The following NDP variants were observed in gnomAD, a reference collection of about 807,000 sequenced individuals.
NDP encodes the protein norrin.
In NDP, 2 loss-of-function variants were observed where a neutral mutation model predicts 8.4. The observed-to-expected ratio is 0.24, with a 90% CI of 0.10 to 0.75. The LOEUF is 0.75. Among genes scored for constraint, NDP ranks in the 30% least tolerant of loss-of-function variants. NDP has a pLI of 0.73. For synonymous variants in NDP, 55 were observed against 45.6 expected, an observed-to-expected ratio of 1.21 and a Z score of -0.83; for missense variants, 81 against 110.1, an observed-to-expected ratio of 0.74 and a Z score of 1.18.
At chrX:43,964,045 C>T (rs1303803099) in intron 1 of NDP, among the ~76,000 whole-genome samples, 1 of 111,725 alleles carries the variant, frequency 9.0e-6, no homozygotes, top group East Asian at 2.8e-4. Context: ...CAGAGATAGG[C>T]ACATTTCATG....
chrX:43,957,105 C>T (rs899942196), intron 2 of NDP, among the ~76,000 whole-genome samples: 3 of 111,495 alleles, frequency 2.7e-5, no homozygotes, highest in Non-Finnish European at 5.7e-5. Flanking sequence ...CAACTCAATA[C>T]GGAAAGAAAT....
chrX:43,973,120 G>C (rs1428137404), intron 1 of NDP, among the ~76,000 whole-genome samples, 184 bp downstream of exon 1: 1 of 112,839 alleles, frequency 8.9e-6, no homozygotes, highest in Non-Finnish European at 1.9e-5. Flanking sequence ...CTCTGTCACA[G>C]ACTTCAAAGA....
chrX:43,951,325 G>A (rs1318586286), intron 2 of NDP, among the ~76,000 whole-genome samples: 1 of 110,514 alleles, frequency 9.0e-6, no homozygotes. Flanking sequence ...TGAGGCAGGA[G>A]GATCACTTGA....
chrX:43,957,182 T>G (rs2035798762), intron 2 of NDP, among the ~76,000 whole-genome samples: 1 of 111,972 alleles, frequency 8.9e-6, no homozygotes, highest in African/African-American at 3.2e-5. Flanking sequence ...AAGGAGAAAC[T>G]AATAATTGCT....
Position 43,958,778 on chromosome X carries a change from C to G in NDP, c.-133G>C. Reference sequence around the variant, plus strand: ...GATCGGGCTGAAGCTTTCTGGTTGTCATTGTCCTTTATGTGCTGGAGTTTT... The same window carrying G: ...GATCGGGCTGAAGCTTTCTGGTTGTGATTGTCCTTTATGTGCTGGAGTTTT... On this transcript the variant is annotated 5_prime_UTR_variant, in exon 2 of 3. The change abolishes an upstream ATG in the 5' untranslated region. Coordinates refer to ENST00000642620, the MANE Select transcript of NDP (RefSeq NM_000266.4). The G allele has an allele frequency of 3.5e-6, 2 of 566,197 alleles. No individual in the cohort carries two copies. Among genetic ancestry groups the G allele is most frequent in the East Asian group, 7.2e-5 (2 of 27,903 alleles). 46.7% of individuals were successfully genotyped at this position (566,197 alleles called of 1,213,427 possible). A position where few individuals can be genotyped will look rare whatever the true frequency, so the allele number is the denominator to read the frequency against.
At chrX:43,968,260 C>T (rs1390185566) in intron 1 of NDP, among the ~76,000 whole-genome samples, 3 of 112,091 alleles carry the variant, frequency 2.7e-5, no homozygotes, top group African/African-American at 9.7e-5. Context: ...GACCATCAGG[C>T]TCTGAGAACC....
At chrX:43,971,723 A>G (rs1006914631) in intron 1 of NDP, among the ~76,000 whole-genome samples, 18 of 112,152 alleles carry the variant, frequency 1.6e-4, no homozygotes, top group African/African-American at 5.8e-4. Flanking sequence ...TTTTACAGCA[A>G]TGGAATCCAT....
intron 1 of NDP, among the ~76,000 whole-genome samples, chrX:43,967,687 C>A (rs948645851): frequency 1.8e-5 from 2 of 111,687 alleles, no homozygotes; most frequent in African/African-American, 6.5e-5. Flanking sequence ...TGCTCTCTCC[C>A]TATTTTTATT....
chrX:43,967,197 T>A (rs781573723), intron 1 of NDP, among the ~76,000 whole-genome samples: 1 of 111,431 alleles, frequency 9.0e-6, no homozygotes, highest in Non-Finnish European at 1.9e-5. Flanking sequence ...GTAACAATAC[T>A]ATTCTGCTGC....
chrX:43,961,816 C>G (rs1283662104), intron 1 of NDP, among the ~76,000 whole-genome samples: 1 of 111,234 alleles, frequency 9.0e-6, no homozygotes, highest in Non-Finnish European at 1.9e-5. Context: ...GCATGCTAGT[C>G]TCTTAGTCAA....
At chrX:43,964,530 G>C (rs2035846207) in intron 1 of NDP, among the ~76,000 whole-genome samples, 1 of 110,576 alleles carries the variant, frequency 9.0e-6, no homozygotes, top group African/African-American at 3.3e-5. Context: ...TTCAGGCATT[G>C]TCAGGAACTC....
At chrX:43,964,205 C>T (rs7066167) in intron 1 of NDP, among the ~76,000 whole-genome samples, 3,848 of 111,423 alleles carry the variant, frequency 0.035, 169 homozygotes, top group African/African-American at 0.12. Flanking sequence ...GTTCTCCCAA[C>T]CTGCACTACT....
At chrX:43,961,192 G>A (rs771579913) in intron 1 of NDP, among the ~76,000 whole-genome samples, 40 of 112,674 alleles carry the variant, frequency 3.6e-4, no homozygotes, top group African/African-American at 1.2e-3. Flanking sequence ...AAGGCTGTGG[G>A]AAAACAAGTC....
chrX:43,950,134 T>G, intron 2 of NDP, 108 bp from the exon 3 acceptor site: 1 of 674,923 alleles, frequency 1.5e-6, no homozygotes. Flanking sequence ...TCCTGCTAGA[T>G]TAGACCAGTG....
In NDP at chrX:43,949,513, T is replaced by C. The variant is rs1402963770; in HGVS notation, c.*286A>G. On this transcript the variant is annotated 3_prime_UTR_variant, in exon 3 of 3. Coordinates refer to ENST00000642620, the MANE Select transcript of NDP (RefSeq NM_000266.4). ...CCCACTTTTTCCCACTAATGCTGAA[T>C]TGTTGGAAACCCAAACAGCATTGAG... 4 of 357,655 alleles carry C rather than the reference T, an allele frequency of 1.1e-5. No individual in the cohort carries two copies. The highest frequency in any genetic ancestry group is 4.0e-5 in the South Asian group (1 of 24,900). The allele number at this position is 357,655 out of a possible 1,213,427, so 29.5% of individuals were successfully genotyped here. A position where few individuals can be genotyped will look rare whatever the true frequency, so the allele number is the denominator to read the frequency against.
chrX:43,958,803 T>C lies in NDP; in HGVS notation c.-158A>G. On this transcript the variant is annotated 5_prime_UTR_variant, in exon 2 of 3. Coordinates refer to ENST00000642620, the MANE Select transcript of NDP (RefSeq NM_000266.4). The stretch of plus-strand genomic sequence containing the variant: ...CATTGTCCTTTATGTGCTGGAGTTT[T>C]GTCTTACTCTTTGCACTTGCAATCC... 1 of 500,126 alleles carries C rather than the reference T, an allele frequency of 2.0e-6. No individual in the cohort carries two copies. The highest frequency in any genetic ancestry group is 2.8e-5 in the South Asian group (1 of 35,603). The allele number at this position is 500,126 out of a possible 1,213,427, so 41.2% of individuals were successfully genotyped here.
At chrX:43,957,786 C>A (rs1311208786) in intron 2 of NDP, among the ~76,000 whole-genome samples, 3 of 101,059 alleles carry the variant, frequency 3.0e-5, no homozygotes, top group Non-Finnish European at 4.0e-5. Context: ...CAGTGACAGT[C>A]GTGAGATCTC....
In NDP at chrX:43,973,288, T is replaced by C. The variant is rs1421548613; in HGVS notation, c.-208+16A>G. 1 of 111,818 alleles carries C rather than the reference T, an allele frequency of 8.9e-6. No individual in the cohort carries two copies. Among genetic ancestry groups the C allele is most frequent in the South Asian group, 3.8e-4 (1 of 2,649 alleles). The allele number at this position is 111,818 out of a possible 1,213,427, so 9.2% of individuals were successfully genotyped here. A position where few individuals can be genotyped will look rare whatever the true frequency, so the allele number is the denominator to read the frequency against. On this transcript the variant is annotated intron_variant, in intron 1 of 2. Coordinates refer to ENST00000642620, the MANE Select transcript of NDP (RefSeq NM_000266.4). ...GATTTCCTAGGCAAGCCGGCAGCGC[T>C]TGTTTTCCTGCTTACCTTAGGGGAA...
intron 1 of NDP, among the ~76,000 whole-genome samples, chrX:43,964,799 G>A (rs1188757782): frequency 8.9e-6 from 1 of 111,978 alleles, no homozygotes; most frequent in African/African-American, 3.2e-5. Context: ...AAAATGAACA[G>A]ATTGGTCTAA....
Sources: allele counts gnomAD v4.1 joint callset (sites outside exome capture counted in the v4.1 genomes callset), GRCh38; gene constraint gnomAD v4.1.1; transcripts MANE v1.5; gene names NCBI Gene and HGNC (gene_info 2026-07-23, HGNC 2026-07-21).